PSD3: variants seen among roughly 807,000 people sequenced by gnomAD.
The protein encoded by PSD3 is pleckstrin and Sec7 domain containing 3, also known as PH and SEC7 domain-containing protein 3.
PSD3 carries 49 observed loss-of-function variants against 105.5 expected under a neutral mutation model. That is an observed-to-expected ratio of 0.46 (90% CI 0.37 to 0.59). PSD3 has a LOEUF of 0.59. Ranked by LOEUF, PSD3 falls within the 20% of genes least tolerant of loss-of-function variation. The pLI is 0.00. For missense variants in PSD3, 1,561 were observed against 1,263.8 expected (o/e 1.24, Z -3.57); for synonymous variants, 557 against 457.8 (o/e 1.22, Z -2.77).
At chr8:19,078,246 T>C (rs191679774) in intron 1 of PSD3, among the ~76,000 whole-genome samples, 2 of 152,260 alleles carry the variant, frequency 1.3e-5, no homozygotes, top group Admixed American at 1.3e-4. Context: ...TCATAACCTG[T>C]AGCAGATTGT....
chr8:18,801,314 G>C lies in PSD3; in HGVS notation c.1979C>G (p.Ser660Cys). Reference sequence around the variant, plus strand: ...TGGGTTACAATAAAAATATCTATTGGAGAAGTGTATTAAAACTCTCTCTCG... The same window carrying C: ...TGGGTTACAATAAAAATATCTATTGCAGAAGTGTATTAAAACTCTCTCTCG... ...QERERVLIHF[S>C]NRYFYCNPDT... The change falls in exon 7 of 16, where the codon TCC becomes TGC. Residue 660 changes from serine (S) to cysteine (C), a missense_variant. Transcript: ENST00000327040. 1 of 1,607,154 alleles carries C rather than the reference G, an allele frequency of 6.2e-7. No homozygotes were observed. Among genetic ancestry groups the C allele is most frequent in the East Asian group, 2.2e-5 (1 of 44,582 alleles).
In PSD3 at chr8:18,797,670, T is replaced by C. The variant is rs538597430; in HGVS notation, c.2082+1625A>G. Among the ~76,000 whole-genome samples, 29 of 152,308 alleles carry C rather than the reference T, an allele frequency of 1.9e-4. No individual in the cohort carries two copies. The South Asian group carries it at 5.6e-3, about 29-fold the overall frequency. On this transcript the variant is annotated intron_variant, in intron 8 of 15. Transcript: ENST00000327040. ...ATGTAAAAGTATTATTAAAGCTATA[T>C]TAGCTTTTTAAAAATGCAATCTAGG...
rs571724457 is a variant in PSD3, at chr8:18,723,584, G to GA, written c.2172+41864dup. ...GTTCCCTTTCTATTTTGAGGTGGGG[G>GA]AAAAAAACCCTGTTCCTTCTGTATC... On this transcript the variant is annotated intron_variant, in intron 9 of 15. Coordinates refer to ENST00000327040, the MANE Select transcript of PSD3 (RefSeq NM_015310.4). Among the ~76,000 whole-genome samples, 23 of 152,116 alleles carry GA rather than the reference G, an allele frequency of 1.5e-4. No homozygotes were observed. The East Asian group carries it at 4.3e-3, about 28-fold the overall frequency.
chr8:18,639,719 C>T (rs765045211), intron 10 of PSD3, among the ~76,000 whole-genome samples: 1 of 152,140 alleles, frequency 6.6e-6, no homozygotes, highest in East Asian at 1.9e-4. Flanking sequence ...GATCAAGAAC[C>T]ATGAGACAAT....
chr8:18,747,347 T>C (rs770894098), intron 9 of PSD3, among the ~76,000 whole-genome samples: 3 of 152,198 alleles, frequency 2.0e-5, no homozygotes, highest in Non-Finnish European at 4.4e-5. Flanking sequence ...TAAGAGAGTT[T>C]CTAAAGGTTT....
At chr8:18,887,363 T>C (rs935548439) in intron 2 of PSD3, among the ~76,000 whole-genome samples, 2 of 152,202 alleles carry the variant, frequency 1.3e-5, no homozygotes, top group Non-Finnish European at 2.9e-5. Flanking sequence ...AATTAATATT[T>C]AATGGGTGAT....
chr8:18,745,999 C>G (rs1048257847), intron 9 of PSD3, among the ~76,000 whole-genome samples: 1 of 152,208 alleles, frequency 6.6e-6, no homozygotes, highest in Non-Finnish European at 1.5e-5. Flanking sequence ...GGCAGGTCCC[C>G]TGCAAAATCC....
intron 4 of PSD3, among the ~76,000 whole-genome samples, chr8:18,809,164 G>T (rs2638655): frequency 0.89 from 135,497 of 152,234 alleles, 60,451 homozygotes; most frequent in African/African-American, 0.94. Flanking sequence ...CATTAGATGC[G>T]TTCTGTAGTT....
At chr8:18,656,289 C>A (rs762034376) in intron 9 of PSD3, among the ~76,000 whole-genome samples, 29 of 151,400 alleles carry the variant, frequency 1.9e-4, no homozygotes, top group Non-Finnish European at 2.9e-4. Context: ...AACTCCTGAT[C>A]TCAGGTGATC....
At chr8:19,003,731 T>C (rs1826520252) in intron 1 of PSD3, among the ~76,000 whole-genome samples, 1 of 150,264 alleles carries the variant, frequency 6.7e-6, no homozygotes, top group Non-Finnish European at 1.5e-5. Flanking sequence ...GACACATCTC[T>C]ACCACACTGG....
chr8:18,775,226 T>C (rs7845297), intron 8 of PSD3, among the ~76,000 whole-genome samples: 54,793 of 152,072 alleles, frequency 0.36, 10,414 homozygotes, highest in East Asian at 0.68. Flanking sequence ...ATTCCACTTA[T>C]ATTTATGTAC....
At chr8:19,075,341 G>C (rs1829432382) in intron 1 of PSD3, among the ~76,000 whole-genome samples, 1 of 152,324 alleles carries the variant, frequency 6.6e-6, no homozygotes, top group Admixed American at 6.5e-5. Context: ...GGCCTCAAGT[G>C]ATCCTCCCAC....
chr8:18,971,387 G>A (rs781370274), intron 1 of PSD3, among the ~76,000 whole-genome samples: 2 of 152,138 alleles, frequency 1.3e-5, no homozygotes, highest in African/African-American at 4.8e-5. Context: ...ATGCGCCTGG[G>A]CTCTGGACCC....
intron 9 of PSD3, among the ~76,000 whole-genome samples, chr8:18,707,245 A>G (rs1801959245): frequency 2.0e-5 from 3 of 152,144 alleles, no homozygotes; most frequent in Admixed American, 6.6e-5. Flanking sequence ...CCGACAATTC[A>G]CAACAGCAGC....
chr8:18,970,122 G>A (rs550142450), intron 1 of PSD3, among the ~76,000 whole-genome samples: 3 of 151,258 alleles, frequency 2.0e-5, no homozygotes, highest in Non-Finnish European at 4.4e-5. Context: ...TCAGGAGATC[G>A]AGACCATCCT....
intron 1 of PSD3, among the ~76,000 whole-genome samples, chr8:19,031,073 C>G (rs1170201244): frequency 1.3e-5 from 2 of 152,168 alleles, no homozygotes; most frequent in Non-Finnish European, 2.9e-5. Flanking sequence ...GGACTATGTA[C>G]CAGCAGCACG....
At chr8:19,063,954 C>T (rs1315953026) in intron 1 of PSD3, among the ~76,000 whole-genome samples, 4 of 152,074 alleles carry the variant, frequency 2.6e-5, no homozygotes, top group Non-Finnish European at 5.9e-5. Context: ...CCAGCCTGAC[C>T]AACATGGTGA....
chr8:18,890,080 A>G (rs1236700619), intron 2 of PSD3, among the ~76,000 whole-genome samples: 2 of 152,196 alleles, frequency 1.3e-5, no homozygotes, highest in African/African-American at 2.4e-5. Flanking sequence ...TGACTGCATG[A>G]TATCGAGTTT....
chr8:19,082,725 T>A (rs546496842), intron 1 of PSD3, among the ~76,000 whole-genome samples: 2 of 152,218 alleles, frequency 1.3e-5, no homozygotes, highest in South Asian at 4.2e-4. Context: ...GGTTTTCAAG[T>A]CATCAGGCCA....
Sources: allele counts gnomAD v4.1 joint callset (sites outside exome capture counted in the v4.1 genomes callset), GRCh38; gene constraint gnomAD v4.1.1; transcripts MANE v1.5; gene names NCBI Gene and HGNC (gene_info 2026-07-23, HGNC 2026-07-21).